The following B4GALT5 variants were observed in gnomAD, a reference collection of about 807,000 sequenced individuals.
B4GALT5 encodes the protein beta-1,4-galactosyltransferase 5.
In B4GALT5, 11 loss-of-function variants were observed where a neutral mutation model predicts 45.0. That is an observed-to-expected ratio of 0.24 (90% confidence interval 0.15 to 0.40). B4GALT5 has a LOEUF of 0.40. B4GALT5 is among the 10% of genes least tolerant of loss of function. The pLI is 1.00. For synonymous variants in B4GALT5, 185 were observed against 182.9 expected (o/e 1.01, Z -0.09); for missense variants, 337 against 500.2 (o/e 0.67, Z 3.11).
intron 2 of B4GALT5, among the ~76,000 whole-genome samples, chr20:49,655,556 G>C (rs1232240990): frequency 6.6e-6 from 1 of 152,176 alleles, no homozygotes; most frequent in Non-Finnish European, 1.5e-5. Flanking sequence ...TCCCTGGCTG[G>C]ACTAGAGAGG....
rs1401999794 is a variant in B4GALT5, at chr20:49,633,441, T to TTTGTG, written c.*2870_*2871insCACAA. 2 of 145,414 alleles carry TTTGTG rather than the reference T, an allele frequency of 1.4e-5. No homozygotes were observed. Among genetic ancestry groups the TTTGTG allele is most frequent in the East Asian group, 3.9e-4 (2 of 5,094 alleles). 9.0% of individuals were successfully genotyped at this position (145,414 alleles called of 1,614,324 possible). ...GCACAAGGTCACATTTGGTTCCTGT[T>TTTGTG]TTTTTTTTTAACATGACAATTTCAC... On this transcript the variant is annotated 3_prime_UTR_variant, in exon 9 of 9. Coordinates refer to ENST00000371711, the MANE Select transcript of B4GALT5 (RefSeq NM_004776.4).
intron 1 of B4GALT5, among the ~76,000 whole-genome samples, chr20:49,689,503 T>G (rs2085801243): frequency 1.3e-5 from 2 of 152,212 alleles, no homozygotes; most frequent in African/African-American, 4.8e-5. Context: ...ATGAAAAATT[T>G]CAAATATACA....
chr20:49,636,189 G>A lies in B4GALT5; in HGVS notation c.*123C>T, dbSNP rs1008119727. The A allele has an allele frequency of 3.0e-5, 39 of 1,289,664 alleles. No homozygotes were observed. Among genetic ancestry groups the A allele is most frequent in the Non-Finnish European group, 4.2e-5 (39 of 929,798 alleles). The allele number at this position is 1,289,664 out of a possible 1,614,324, so 79.9% of individuals were successfully genotyped here. On this transcript the variant is annotated 3_prime_UTR_variant, in exon 9 of 9. Coordinates refer to ENST00000371711, the MANE Select transcript of B4GALT5 (RefSeq NM_004776.4). ...GTCACATTTTCCCCCTGAACTCTGT[G>A]ATCCTTCATGAGACACAGTATTTCT...
chr20:49,637,274 G>T, intron 8 of B4GALT5, 67 bp downstream of exon 8: 1 of 1,403,792 alleles, frequency 7.1e-7, no homozygotes, highest in Non-Finnish European at 1.0e-6. Context: ...GCTGTAATAT[G>T]CTCTAAGATA....
rs11697719 is a variant in B4GALT5 at position 49,633,118 on chromosome 20, C to T, written c.*3194G>A. 1,385 of 152,684 alleles carry T rather than the reference C, an allele frequency of 9.1e-3. 7 individuals carry two copies. Among genetic ancestry groups the T allele is most frequent in the Non-Finnish European group, 0.014 (960 of 68,030 alleles). The allele number at this position is 152,684 out of a possible 1,614,324, so 9.5% of individuals were successfully genotyped here. A position where few individuals can be genotyped will look rare whatever the true frequency, so the allele number is the denominator to read the frequency against. ...AATGTACCCCTGGCACCTCTTAAAA[C>T]GTAAGAGCAAGCTCAAAAACACGTA... On this transcript the variant is annotated 3_prime_UTR_variant, in exon 9 of 9. Coordinates refer to ENST00000371711, the MANE Select transcript of B4GALT5 (RefSeq NM_004776.4).
At chr20:49,695,862 T>A (rs543270868) in intron 1 of B4GALT5, among the ~76,000 whole-genome samples, 1 of 152,180 alleles carries the variant, frequency 6.6e-6, no homozygotes, top group African/African-American at 2.4e-5. Flanking sequence ...AAACAACACA[T>A]TGAGTTTCAA....
intron 2 of B4GALT5, among the ~76,000 whole-genome samples, chr20:49,655,408 G>T (rs2085638664): frequency 6.6e-6 from 1 of 151,920 alleles, no homozygotes; most frequent in Non-Finnish European, 1.5e-5. Context: ...CTCCAGCCTG[G>T]GTGACAAGAG....
chr20:49,702,944 C>T (rs1287311983), intron 1 of B4GALT5, among the ~76,000 whole-genome samples: 3 of 151,696 alleles, frequency 2.0e-5, no homozygotes, highest in East Asian at 3.9e-4. Flanking sequence ...GAGGCTGAGG[C>T]GGGCGGATCA....
intron 3 of B4GALT5, among the ~76,000 whole-genome samples, chr20:49,644,990 A>AT (rs1432902803): frequency 6.6e-6 from 1 of 152,238 alleles, no homozygotes; most frequent in Non-Finnish European, 1.5e-5. Flanking sequence ...TAGGAAAGGT[A>AT]TAAGAGTTTA....
rs553483254 is a variant in B4GALT5 at position 49,640,026 on chromosome 20, C to T, written c.795-226G>A. Among the ~76,000 whole-genome samples, 8 of 152,290 alleles carry T rather than the reference C, an allele frequency of 5.3e-5. No homozygotes were observed. The South Asian group carries it at 1.7e-3, about 32-fold the overall frequency. ...ATTGGCCCATTTAGAGTATATCATT[C>T]AATGGTTTTAGTTTATTCACTGAAT... On this transcript the variant is annotated intron_variant, in intron 6 of 8. Transcript: ENST00000371711.
intron 1 of B4GALT5, among the ~76,000 whole-genome samples, chr20:49,668,640 A>G (rs1405810440): frequency 6.6e-6 from 1 of 152,034 alleles, no homozygotes; most frequent in Admixed American, 6.6e-5. Context: ...TGCTGATGGG[A>G]ATGTGCTAGA....
chr20:49,642,717 T>G, intron 4 of B4GALT5, 133 bp from the exon 5 acceptor site: 1 of 658,120 alleles, frequency 1.5e-6, no homozygotes, highest in Non-Finnish European at 2.7e-6. Flanking sequence ...CAGCTTTCTC[T>G]AAACAAAGAT....
In B4GALT5 at chr20:49,636,144, A is replaced by C. The variant is rs906004922; in HGVS notation, c.*168T>G. 2.2e-4 allele frequency: 186 copies of C among 830,354 alleles called. 1 individual carries two copies. Among genetic ancestry groups the C allele is most frequent in the Middle Eastern group, 7.4e-4 (2 of 2,714 alleles). The allele number at this position is 830,354 out of a possible 1,614,324, so 51.4% of individuals were successfully genotyped here. On this transcript the variant is annotated 3_prime_UTR_variant, in exon 9 of 9. Coordinates refer to ENST00000371711, the MANE Select transcript of B4GALT5 (RefSeq NM_004776.4). ...CTCAGTTCCAGCGGCTGATCCAGTG[A>C]AGGCGTTTGTGCGTGTGCTGTCACA...
intron 1 of B4GALT5, among the ~76,000 whole-genome samples, chr20:49,705,036 C>T (rs2085878527): frequency 6.6e-6 from 1 of 152,052 alleles, no homozygotes; most frequent in Non-Finnish European, 1.5e-5. Context: ...GGGCAGCACT[C>T]TAAATTATTT....
At chr20:49,713,034 G>A (rs990737511) in intron 1 of B4GALT5, among the ~76,000 whole-genome samples, 22 of 151,334 alleles carry the variant, frequency 1.5e-4, no homozygotes, top group Non-Finnish European at 3.2e-4. Context: ...AAAGGGGAGG[G>A]AGGGGGCTCA....
rs540752502 is a variant in B4GALT5, at chr20:49,680,132, T to C, written c.116-23430A>G. Among the ~76,000 whole-genome samples the C allele has an allele frequency of 8.1e-4, 123 of 152,332 alleles. 2 individuals carry two copies. The highest frequency in any genetic ancestry group is 2.9e-3 in the African/African-American group (121 of 41,572). Reference sequence around the variant, plus strand: ...CCATATAATAAAATCCATCAAATCATATTAGCCAGAGGGTCAACAATCCAG... The same window carrying C: ...CCATATAATAAAATCCATCAAATCACATTAGCCAGAGGGTCAACAATCCAG... On this transcript the variant is annotated intron_variant, in intron 1 of 8. Coordinates refer to ENST00000371711, the MANE Select transcript of B4GALT5 (RefSeq NM_004776.4).
intron 2 of B4GALT5, among the ~76,000 whole-genome samples, chr20:49,655,298 G>A (rs961009686): frequency 2.6e-5 from 4 of 152,050 alleles, no homozygotes; most frequent in African/African-American, 9.7e-5. Context: ...AGGTATGGTG[G>A]CGCACACCTG....
Position 49,652,916 on chromosome 20 carries a change from G to T in B4GALT5, c.250+3652C>A, listed in dbSNP as rs114238342. On this transcript the variant is annotated intron_variant, in intron 2 of 8. Transcript: ENST00000371711. ...GCCAACAGTGCTCCAGGCAGAAGTGGTCGGGCCAGAGGTGTCAGTCATTTG... is the reference window on the plus strand; with the variant it reads ...GCCAACAGTGCTCCAGGCAGAAGTGTTCGGGCCAGAGGTGTCAGTCATTTG... Among the ~76,000 whole-genome samples, 136 of 152,318 alleles carry T rather than the reference G, an allele frequency of 8.9e-4. 1 individual carries two copies. Among genetic ancestry groups the T allele is most frequent in the African/African-American group, 3.2e-3 (131 of 41,572 alleles).
intron 2 of B4GALT5, among the ~76,000 whole-genome samples, chr20:49,655,859 G>A (rs537540619): frequency 6.7e-6 from 1 of 150,130 alleles, no homozygotes; most frequent in Admixed American, 6.7e-5. Context: ...AACTGGGGAA[G>A]TGGAGGTTGC....
Sources: allele counts gnomAD v4.1 joint callset (sites outside exome capture counted in the v4.1 genomes callset), GRCh38; gene constraint gnomAD v4.1.1; transcripts MANE v1.5; gene names NCBI Gene and HGNC (gene_info 2026-07-23, HGNC 2026-07-21).